The following UBE2Q2 variants were observed in gnomAD, a reference collection of about 807,000 sequenced individuals.
The protein encoded by UBE2Q2 is ubiquitin-conjugating enzyme E2 Q2.
Under a neutral mutation model 59.9 loss-of-function variants are expected in UBE2Q2, and 54 were observed. That is an observed-to-expected ratio of 0.90 (90% CI 0.72 to 1.13). UBE2Q2 has a LOEUF of 1.13. UBE2Q2 is among the 50% of genes most tolerant of loss of function. UBE2Q2 has a pLI of 0.00. For synonymous variants in UBE2Q2, 165 were observed against 155.2 expected (o/e 1.06, Z -0.47); for missense variants, 433 against 441.9 (o/e 0.98, Z 0.18).
At position 75,892,707 on chromosome 15, in the gene UBE2Q2, C is replaced by CG. The variant is rs199622181; in HGVS notation, c.1029+1693_1029+1694insG. ...AGAACTCGTCTACACAAAAAATACG[C>CG]CCCCCACCCTAAAAAAACAATTAGC... is the stretch of plus-strand genomic sequence containing the variant. On this transcript the variant is annotated intron_variant, in intron 11 of 12. Coordinates refer to ENST00000267938, the MANE Select transcript of UBE2Q2 (RefSeq NM_173469.4). 3.1e-3 allele frequency among the ~76,000 whole-genome samples: 476 copies of CG among 151,908 alleles called. 19 individuals are homozygous for CG. The East Asian group carries it at 0.088, about 28-fold the overall frequency.
intron 1 of UBE2Q2, among the ~76,000 whole-genome samples, chr15:75,852,097 G>C (rs1896663606): frequency 1.3e-5 from 2 of 151,940 alleles, no homozygotes; most frequent in Non-Finnish European, 2.9e-5. Flanking sequence ...GGCTGGTCTT[G>C]AACTCCTGGG....
At position 75,899,521 on chromosome 15, in the gene UBE2Q2, A is replaced by T; in HGVS notation, c.*63A>T. The T allele has an allele frequency of 7.0e-7, 1 of 1,428,710 alleles. No homozygotes were observed. Among genetic ancestry groups the T allele is most frequent in the Non-Finnish European group, 9.6e-7 (1 of 1,036,498 alleles). The allele number at this position is 1,428,710 out of a possible 1,614,324, so 88.5% of individuals were successfully genotyped here. The stretch of plus-strand genomic sequence containing the variant: ...TAAAGAAAATCTTTCTAACATGCAG[A>T]CAAAAGCTTTGAGTGCCCCTATTAC... On this transcript the variant is annotated 3_prime_UTR_variant, in exon 13 of 13. Transcript: ENST00000267938.
chr15:75,878,604 A>T (rs1451990128), intron 7 of UBE2Q2, among the ~76,000 whole-genome samples: 2 of 1,658 alleles, frequency 1.2e-3, no homozygotes, highest in African/African-American at 1.5e-3. Flanking sequence ...GTCTCTTAAA[A>T]AAAAAAAAAA....
At chr15:75,849,183 G>T (rs1896508782) in intron 1 of UBE2Q2, among the ~76,000 whole-genome samples, 1 of 152,094 alleles carries the variant, frequency 6.6e-6, no homozygotes, top group East Asian at 1.9e-4. Flanking sequence ...ATCTTTTGTT[G>T]TCAGAGCAGT....
intron 1 of UBE2Q2, 165 bp downstream of exon 1, chr15:75,844,011 T>G: frequency 1.4e-6 from 2 of 1,408,440 alleles, no homozygotes; most frequent in Non-Finnish European, 1.8e-6. Flanking sequence ...GGGCTGGGAC[T>G]GCGCGAGGCT....
intron 9 of UBE2Q2, among the ~76,000 whole-genome samples, chr15:75,885,607 T>C (rs1396512846): frequency 1.3e-5 from 2 of 152,212 alleles, no homozygotes; most frequent in East Asian, 3.8e-4. Flanking sequence ...GGAAAGGCTG[T>C]TCTTTTGGAA....
At chr15:75,849,250 C>G (rs1896512722) in intron 1 of UBE2Q2, among the ~76,000 whole-genome samples, 1 of 152,146 alleles carries the variant, frequency 6.6e-6, no homozygotes, top group African/African-American at 2.4e-5. Context: ...GTTCTCCACC[C>G]CACATTTATT....
intron 4 of UBE2Q2, among the ~76,000 whole-genome samples, chr15:75,870,766 G>C (rs1441509058): frequency 1.3e-5 from 2 of 152,146 alleles, no homozygotes; most frequent in Non-Finnish European, 2.9e-5. Flanking sequence ...ATGGGTGGAA[G>C]TCATGAAAAA....
intron 11 of UBE2Q2, among the ~76,000 whole-genome samples, chr15:75,891,251 A>G (rs1359437886): frequency 6.6e-6 from 1 of 152,166 alleles, no homozygotes; most frequent in African/African-American, 2.4e-5. Context: ...TTTGCTGTAG[A>G]TAAACATTAT....
Position 75,843,580 on chromosome 15 carries a change from T to C in UBE2Q2, c.-87T>C, listed in dbSNP as rs544699521. 2.0e-5 allele frequency: 23 copies of C among 1,130,086 alleles called. No homozygotes were observed. Among genetic ancestry groups the C allele is most frequent in the Non-Finnish European group, 2.6e-5 (22 of 855,556 alleles). 70.0% of individuals were successfully genotyped at this position (1,130,086 alleles called of 1,614,324 possible). On this transcript the variant is annotated 5_prime_UTR_variant, in exon 1 of 13. Coordinates refer to ENST00000267938, the MANE Select transcript of UBE2Q2 (RefSeq NM_173469.4). ...GGCCCAGGCCGGCCCCGCGGGGCGG[T>C]CGCGGCCGTGACGGCGGCTCCGGGC... is the stretch of plus-strand genomic sequence containing the variant.
intron 3 of UBE2Q2, among the ~76,000 whole-genome samples, chr15:75,864,129 GT>G (rs1897333754): frequency 6.6e-6 from 1 of 152,088 alleles, no homozygotes. Flanking sequence ...AATGGATATG[GT>G]AATACTTTAT....
chr15:75,894,809 G>C (rs1899304575), intron 11 of UBE2Q2, among the ~76,000 whole-genome samples: 1 of 152,010 alleles, frequency 6.6e-6, no homozygotes, highest in Non-Finnish European at 1.5e-5. Context: ...CAGTAGGGTT[G>C]GAAAGTGACT....
At position 75,880,594 on chromosome 15, in the gene UBE2Q2, C is replaced by T. The variant is rs564504313; in HGVS notation, c.825+1406C>T. Among the ~76,000 whole-genome samples the T allele has an allele frequency of 1.1e-4, 17 of 152,044 alleles. No individual in the cohort carries two copies. In the South Asian group the frequency reaches 1.9e-3, roughly 17 times the overall value. ...TTGGCTCACTGCAACCTCTGCCTCC[C>T]GGGTTTAAGCAGTTCTCTGCCCCAG... On this transcript the variant is annotated intron_variant, in intron 8 of 12. Coordinates refer to ENST00000267938, the MANE Select transcript of UBE2Q2 (RefSeq NM_173469.4).
intron 9 of UBE2Q2, among the ~76,000 whole-genome samples, chr15:75,884,305 T>C (rs1898629844): frequency 6.6e-6 from 1 of 152,224 alleles, no homozygotes; most frequent in South Asian, 2.1e-4. Context: ...ATCATTTCTA[T>C]GGTTGAGATA....
intron 1 of UBE2Q2, among the ~76,000 whole-genome samples, chr15:75,852,129 G>A (rs890757002): frequency 2.6e-5 from 4 of 151,894 alleles, no homozygotes; most frequent in Admixed American, 6.6e-5. Context: ...CTCCTGCCTC[G>A]GCCTCCCAAA....
rs1896218593 is a variant in UBE2Q2, at chr15:75,844,494, G to C, written c.180+648G>C. 6.4e-6 allele frequency: 10 copies of C among 1,551,082 alleles called. No individual in the cohort carries two copies. The South Asian group carries it at 8.3e-5, about 13-fold the overall frequency. ...TACCGTCGTTGCGGCAGGTGGTGTTGAGTGTGTATTCGTGTGGCCCCTCCC... is the reference window on the plus strand; with the variant it reads ...TACCGTCGTTGCGGCAGGTGGTGTTCAGTGTGTATTCGTGTGGCCCCTCCC... On this transcript the variant is annotated intron_variant, in intron 1 of 12. Coordinates refer to ENST00000267938, the MANE Select transcript of UBE2Q2 (RefSeq NM_173469.4).
intron 8 of UBE2Q2, among the ~76,000 whole-genome samples, chr15:75,881,767 G>A (rs1898441477): frequency 1.3e-5 from 2 of 152,188 alleles, no homozygotes; most frequent in Non-Finnish European, 2.9e-5. Flanking sequence ...GGGCAGGAGG[G>A]AATGTGACCT....
At chr15:75,877,167 A>AT (rs1305355470) in intron 6 of UBE2Q2, among the ~76,000 whole-genome samples, 3 of 150,150 alleles carry the variant, frequency 2.0e-5, no homozygotes, top group African/African-American at 7.4e-5. Flanking sequence ...GTCAAAAAAA[A>AT]AAAAAAAAAA....
At chr15:75,865,988 T>C (rs192308973) in intron 3 of UBE2Q2, among the ~76,000 whole-genome samples, 3 of 152,316 alleles carry the variant, frequency 2.0e-5, no homozygotes, top group Admixed American at 6.5e-5. Flanking sequence ...GAGCTAGATA[T>C]AGAATTCTAA....
Sources: allele counts gnomAD v4.1 joint callset (sites outside exome capture counted in the v4.1 genomes callset), GRCh38; gene constraint gnomAD v4.1.1; transcripts MANE v1.5; gene names NCBI Gene and HGNC (gene_info 2026-07-23, HGNC 2026-07-21).